The following GAD2 variants were observed in gnomAD, a reference collection of about 807,000 sequenced individuals.
GAD2 encodes the protein 65 kDa glutamic acid decarboxylase.
GAD2 carries 22 observed loss-of-function variants against 80.1 expected under a neutral mutation model. That is an observed-to-expected ratio of 0.27 (90% CI 0.20 to 0.39). The LOEUF (loss-of-function observed/expected upper bound fraction) is 0.39. Ranked by LOEUF, GAD2 falls within the 10% of genes least tolerant of loss-of-function variation. The probability of loss-of-function intolerance (pLI) is 1.00; values close to 1 mark genes in which losing one functional copy is unlikely to be tolerated. For synonymous variants in GAD2, 274 were observed against 256.9 expected, an observed-to-expected ratio of 1.07 and a Z score of -0.64; for missense variants, 624 against 738.4, an observed-to-expected ratio of 0.85 and a Z score of 1.80.
chr10:26,289,411 A>G (rs1367152665), intron 13 of GAD2, among the ~76,000 whole-genome samples: 2 of 152,150 alleles, frequency 1.3e-5, no homozygotes, highest in African/African-American at 4.8e-5. Context: ...GATAAACCCC[A>G]TGAGAAATAG....
chr10:26,221,620 G>A (rs961012883), intron 4 of GAD2, among the ~76,000 whole-genome samples: 4 of 152,180 alleles, frequency 2.6e-5, no homozygotes, highest in African/African-American at 9.6e-5. Flanking sequence ...AGTTTGGACC[G>A]ACTTTTGGCC....
chr10:26,259,488 T>C (rs954760847), intron 8 of GAD2, among the ~76,000 whole-genome samples: 1 of 152,200 alleles, frequency 6.6e-6, no homozygotes, highest in Admixed American at 6.5e-5. Context: ...AGGATTTTTT[T>C]TTCATGTGCT....
intron 8 of GAD2, among the ~76,000 whole-genome samples, chr10:26,256,670 A>G (rs1005504121): frequency 6.6e-6 from 1 of 152,228 alleles, no homozygotes; most frequent in African/African-American, 2.4e-5. Flanking sequence ...CATTTGGCTT[A>G]GGACTTTCAG....
chr10:26,293,778 A>G (rs1038208382), intron 15 of GAD2, among the ~76,000 whole-genome samples: 1 of 152,196 alleles, frequency 6.6e-6, no homozygotes, highest in Non-Finnish European at 1.5e-5. Flanking sequence ...GCAAAGAGCA[A>G]TAATAACAGC....
intron 8 of GAD2, among the ~76,000 whole-genome samples, chr10:26,263,373 G>A (rs1845030623): frequency 6.6e-6 from 1 of 152,158 alleles, no homozygotes; most frequent in African/African-American, 2.4e-5. Context: ...TTTGCAAAGG[G>A]CCTGGTTTTG....
intron 6 of GAD2, among the ~76,000 whole-genome samples, chr10:26,228,963 G>A (rs1327521552): frequency 2.0e-5 from 3 of 152,180 alleles, no homozygotes; most frequent in African/African-American, 7.2e-5. Context: ...GCCGAGGCGG[G>A]TGGATCATTT....
At chr10:26,225,578 T>C (rs1044733936) in intron 6 of GAD2, among the ~76,000 whole-genome samples, 1 of 151,984 alleles carries the variant, frequency 6.6e-6, no homozygotes, top group Admixed American at 6.6e-5. Flanking sequence ...GGCCAAGTGG[T>C]TGTGCTCTCT....
In GAD2 at chr10:26,217,573, T is replaced by C. The variant is rs1327372158; in HGVS notation, c.77-37T>C. 1 of 1,591,108 alleles carries C rather than the reference T, an allele frequency of 6.3e-7. No homozygotes were observed. Among genetic ancestry groups the C allele is most frequent in the South Asian group, 1.1e-5 (1 of 88,146 alleles). ...TCACACGTCCGTCTGTTGTTCTCTT[T>C]CTGCCTCGCTGTCTGCCTGCCTATT... is the stretch of plus-strand genomic sequence containing the variant. On this transcript the variant is annotated intron_variant, in intron 1 of 15. Transcript: ENST00000376261. The surrounding 1 kb of genome is among the most constrained non-coding windows in gnomAD (Gnocchi z 4.9).
intron 8 of GAD2, among the ~76,000 whole-genome samples, chr10:26,258,493 ACATTG>A (rs1844970605): frequency 6.6e-6 from 1 of 152,192 alleles, no homozygotes; most frequent in African/African-American, 2.4e-5. Flanking sequence ...AACTCTTCTC[ACATTG>A]CAAAATTGAA....
chr10:26,265,786 G>A (rs1169257718), intron 8 of GAD2, among the ~76,000 whole-genome samples: 1 of 152,224 alleles, frequency 6.6e-6, no homozygotes, highest in Non-Finnish European at 1.5e-5. Context: ...CCAGGCACCA[G>A]GCGATGCTTG....
rs935986408 is a variant in GAD2 at position 26,292,669 on chromosome 10, C to T, written c.1494+97C>T. ...TGATGTGCTGTCCAGGTAAGTGGGA[C>T]GATTACAGAGGGGAGCAGTGGATGA... On this transcript the variant is annotated intron_variant, in intron 14 of 15. Coordinates refer to ENST00000376261, the MANE Select transcript of GAD2 (RefSeq NM_001134366.2). The T allele has an allele frequency of 1.4e-4, 138 of 1,007,442 alleles. No homozygotes were observed. The Admixed American group carries it at 1.5e-3, about 11-fold the overall frequency. 62.4% of individuals were successfully genotyped at this position (1,007,442 alleles called of 1,614,324 possible).
At chr10:26,245,146 T>C (rs143891753) in intron 7 of GAD2, among the ~76,000 whole-genome samples, 3,931 of 133,758 alleles carry the variant, frequency 0.029, 169 homozygotes, top group African/African-American at 0.11. Context: ...AGAGCAAAAC[T>C]CTGTCTCAAA....
Position 26,222,261 on chromosome 10 carries a change from C to A in GAD2, c.521-1626C>A, listed in dbSNP as rs560837522. Among the ~76,000 whole-genome samples the A allele has an allele frequency of 4.6e-5, 7 of 152,280 alleles. No individual in the cohort carries two copies. In the South Asian group the frequency reaches 1.2e-3, roughly 27 times the overall value. On this transcript the variant is annotated intron_variant, in intron 4 of 15. Coordinates refer to ENST00000376261, the MANE Select transcript of GAD2 (RefSeq NM_001134366.2). ...TTCTGATATCCAGAGGCACAACACACCCCTCACAATCTCTCTCCATCTTAT... is the reference window on the plus strand; with the variant it reads ...TTCTGATATCCAGAGGCACAACACAACCCTCACAATCTCTCTCCATCTTAT...
At chr10:26,244,829 A>G (rs1232170053) in intron 7 of GAD2, among the ~76,000 whole-genome samples, 1 of 152,170 alleles carries the variant, frequency 6.6e-6, no homozygotes, top group Non-Finnish European at 1.5e-5. Context: ...CTGTGAATAT[A>G]TTTGAAACCA....
intron 15 of GAD2, among the ~76,000 whole-genome samples, chr10:26,298,545 CAT>C (rs1834298498): frequency 6.6e-6 from 1 of 152,170 alleles, no homozygotes; most frequent in African/African-American, 2.4e-5. Flanking sequence ...GATTTGCATT[CAT>C]CTGAAAAGCT....
intron 7 of GAD2, among the ~76,000 whole-genome samples, chr10:26,237,954 C>G (rs2132281874): frequency 6.6e-6 from 1 of 151,188 alleles, no homozygotes; most frequent in East Asian, 2.0e-4. Flanking sequence ...TTGCAGTGAG[C>G]TGAGATCGCA....
At position 26,224,556 on chromosome 10, in the gene GAD2, C is replaced by T; in HGVS notation, c.629C>T (p.Ala210Val). ...CATTTCAGGTTCACCTATGAAATTG[C>T]TCCAGTATTTGTGCTTTTGGAATAT... Reference protein sequence around the residue: ...ANTNMFTYEIAPVFVLLEYVT... With the variant: ...ANTNMFTYEIVPVFVLLEYVT... The change falls in exon 6 of 16, where the codon GCT (alanine) becomes GTT (valine). Residue 210 changes from alanine to valine, a missense_variant. Ala to Val is a moderately conservative substitution (Grantham distance 64). Transcript: ENST00000376261. The T allele has an allele frequency of 6.2e-7, 1 of 1,612,480 alleles. No homozygotes were observed. The highest frequency in any genetic ancestry group is 1.7e-4 in the Middle Eastern group (1 of 6,060).
At chr10:26,275,488 T>G (rs1259588777) in intron 11 of GAD2, among the ~76,000 whole-genome samples, 2 of 152,226 alleles carry the variant, frequency 1.3e-5, no homozygotes, top group African/African-American at 2.4e-5. Flanking sequence ...TTCTTGAAAC[T>G]GTACTGTAAC....
intron 8 of GAD2, 126 bp downstream of exon 8, chr10:26,246,126 C>A (rs1844806318): frequency 2.9e-6 from 2 of 681,492 alleles, no homozygotes; most frequent in African/African-American, 1.8e-5. Context: ...GCCTCTGCAG[C>A]CTTCGTTTCT....
Sources: allele counts gnomAD v4.1 joint callset (sites outside exome capture counted in the v4.1 genomes callset), GRCh38; gene constraint gnomAD v4.1.1; non-coding constraint Gnocchi (gnomAD v3.1); transcripts MANE v1.5; gene names NCBI Gene and HGNC (gene_info 2026-07-23, HGNC 2026-07-21).